EYS: variants seen among roughly 807,000 people sequenced by gnomAD.
The protein encoded by EYS is protein eyes shut homolog.
In EYS, 250 loss-of-function variants were observed where a neutral mutation model predicts 282.1. The observed-to-expected ratio is 0.89, with a 90% confidence interval of 0.80 to 0.98. EYS has a LOEUF of 0.98. Ranked by LOEUF, EYS falls within the 50% of genes least tolerant of loss-of-function variation. The pLI is 0.00. For synonymous variants in EYS, 1,355 were observed against 1,282.9 expected (o/e 1.06, Z -1.20); for missense variants, 4,016 against 3,709.0 (o/e 1.08, Z -2.15).
At chr6:63,783,876 T>C (rs925629865) in intron 39 of EYS, among the ~76,000 whole-genome samples, 45 of 150,854 alleles carry the variant, frequency 3.0e-4, no homozygotes, top group Admixed American at 1.5e-3. Context: ...TGGTCAAATA[T>C]TGTGTGTGTG....
Position 65,659,601 on chromosome 6 carries a change from CGAG to C in EYS, c.-447-19712_-447-19710del, listed in dbSNP as rs1767936723. ...GAGCTGATAAAAGTTAAAAGAATCACGAGGAGAACTGGAAATACTGACTTATAG... is the reference window on the plus strand; with the variant it reads ...GAGCTGATAAAAGTTAAAAGAATCACGAGAACTGGAAATACTGACTTATAG... On this transcript the variant is annotated intron_variant, in intron 1 of 42. Coordinates refer to ENST00000503581, the MANE Select transcript of EYS (RefSeq NM_001142800.2). 2.6e-5 allele frequency among the ~76,000 whole-genome samples: 4 copies of C among 151,464 alleles called. No individual in the cohort carries two copies. The South Asian group carries it at 8.3e-4, about 32-fold the overall frequency.
intron 29 of EYS, among the ~76,000 whole-genome samples, chr6:64,333,622 G>C (rs1246345622): frequency 1.3e-5 from 2 of 152,136 alleles, no homozygotes; most frequent in Non-Finnish European, 2.9e-5. Context: ...GACTAAAATG[G>C]ATAAGGGCTA....
At chr6:63,830,028 A>G (rs1771583964) in intron 36 of EYS, among the ~76,000 whole-genome samples, 3 of 152,246 alleles carry the variant, frequency 2.0e-5, no homozygotes. Flanking sequence ...AAACTAACAA[A>G]CAGAAAGGAC....
chr6:64,863,931 C>T (rs9363283), intron 19 of EYS, among the ~76,000 whole-genome samples: 23,637 of 152,102 alleles, frequency 0.16, 2,161 homozygotes, highest in East Asian at 0.49. Flanking sequence ...ATCAACCCTG[C>T]AATCTGATCT....
chr6:64,605,643 A>G (rs1201592600), intron 24 of EYS, among the ~76,000 whole-genome samples: 1 of 151,848 alleles, frequency 6.6e-6, no homozygotes, highest in Non-Finnish European at 1.5e-5. Flanking sequence ...ACCACTGTTT[A>G]TGACTCACCA....
intron 5 of EYS, among the ~76,000 whole-genome samples, chr6:65,425,746 C>G (rs1289582196): frequency 6.6e-6 from 1 of 151,974 alleles, no homozygotes; most frequent in African/African-American, 2.4e-5. Context: ...TGGCGAGGGA[C>G]CAGTCTTTTA....
At chr6:63,866,297 T>A (rs1286951586) in intron 35 of EYS, among the ~76,000 whole-genome samples, 1 of 152,176 alleles carries the variant, frequency 6.6e-6, no homozygotes, top group Non-Finnish European at 1.5e-5. Flanking sequence ...CTGATATAAC[T>A]TTGCTTCCAC....
At chr6:65,330,690 TC>T in intron 11 of EYS, 1 of 941,770 alleles carries the variant, frequency 1.1e-6, no homozygotes. Context: ...TTAGTGTCTA[TC>T]ATTATAATAC....
At chr6:64,363,882 C>T (rs1772105780) in intron 29 of EYS, among the ~76,000 whole-genome samples, 1 of 151,804 alleles carries the variant, frequency 6.6e-6, no homozygotes, top group African/African-American at 2.4e-5. Flanking sequence ...CAAAGGGAGG[C>T]AGAATAAGTG....
At chr6:64,465,061 T>A (rs1046643157) in intron 26 of EYS, among the ~76,000 whole-genome samples, 1 of 151,736 alleles carries the variant, frequency 6.6e-6, no homozygotes. Flanking sequence ...ATAAAAGAGA[T>A]AAAAGACCTG....
intron 31 of EYS, among the ~76,000 whole-genome samples, chr6:64,136,770 G>T (rs115183244): frequency 0.019 from 2,941 of 152,118 alleles, 80 homozygotes; most frequent in African/African-American, 0.066. Context: ...CCATAATCTA[G>T]GCTTTGTTCT....
chr6:63,953,809 A>ATTCT (rs1391797140), intron 35 of EYS, among the ~76,000 whole-genome samples: 1 of 152,128 alleles, frequency 6.6e-6, no homozygotes, highest in East Asian at 1.9e-4. Flanking sequence ...TGCAATCAGA[A>ATTCT]TTCTTACACA....
chr6:63,942,535 C>T (rs188050221), intron 35 of EYS, among the ~76,000 whole-genome samples: 1 of 152,122 alleles, frequency 6.6e-6, no homozygotes, highest in Non-Finnish European at 1.5e-5. Flanking sequence ...TGAGGAAGAA[C>T]AGGTAGAAGA....
chr6:64,779,606 C>T (rs1446113623), intron 22 of EYS, among the ~76,000 whole-genome samples: 1 of 151,996 alleles, frequency 6.6e-6, no homozygotes, highest in Non-Finnish European at 1.5e-5. Flanking sequence ...ACGTACAACA[C>T]AACAAATGAA....
At chr6:63,889,238 C>G (rs1773346468) in intron 35 of EYS, among the ~76,000 whole-genome samples, 1 of 152,080 alleles carries the variant, frequency 6.6e-6, no homozygotes, top group South Asian at 2.1e-4. Flanking sequence ...CCAGAACTTC[C>G]CCAACCTAGC....
intron 36 of EYS, among the ~76,000 whole-genome samples, chr6:63,853,600 C>A (rs1182375805): frequency 1.3e-5 from 2 of 152,138 alleles, no homozygotes; most frequent in African/African-American, 4.8e-5. Context: ...ATCAAGCTAC[C>A]ATTGACTTTC....
chr6:64,613,551 C>A lies in EYS; in HGVS notation c.3684+3867G>T, dbSNP rs78852770. On this transcript the variant is annotated intron_variant, in intron 24 of 42. Transcript: ENST00000503581. The stretch of plus-strand genomic sequence containing the variant: ...TTCCCACTAAAGGAAAACTTCTGCC[C>A]CCAAACATTGGAGAGACAGTCAGGC... 1.5e-3 allele frequency among the ~76,000 whole-genome samples: 221 copies of A among 152,044 alleles called. 1 individual carries two copies. Among genetic ancestry groups the A allele is most frequent in the African/African-American group, 5.2e-3 (215 of 41,480 alleles).
chr6:64,274,503 T>TTTTTTTTTTTTTCA (rs55928528), intron 30 of EYS, among the ~76,000 whole-genome samples: 1 of 148,036 alleles, frequency 6.8e-6, no homozygotes, highest in African/African-American at 2.5e-5. Context: ...TTTTTTTTTT[T>TTTTTTTTTTTTTCA]ACAAATCAGC....
intron 12 of EYS, among the ~76,000 whole-genome samples, chr6:65,266,938 TG>T (rs1562060480): frequency 1.9e-5 from 2 of 106,926 alleles, no homozygotes; most frequent in Non-Finnish European, 3.9e-5. Context: ...ACACAAACAT[TG>T]ATATATATAT....
Sources: gnomAD v4.1 joint callset for allele counts (sites outside exome capture counted in the v4.1 genomes callset) on GRCh38, gnomAD v4.1.1 for gene constraint, MANE v1.5 for transcripts, NCBI Gene and HGNC (gene_info 2026-07-23, HGNC 2026-07-21) for gene names.